Variants in PXMP4 observed in about 807,000 individuals in gnomAD.
PXMP4 encodes peroxisomal membrane protein 4, also known as 24 kDa peroxisomal intrinsic membrane protein.
In PXMP4, 16 loss-of-function variants were observed where a neutral mutation model predicts 21.6. That is an observed-to-expected ratio of 0.74 (90% CI 0.50 to 1.13). PXMP4 has a LOEUF of 1.13. Ranked by LOEUF, PXMP4 falls within the 50% of genes most tolerant of loss-of-function variation. The probability of loss-of-function intolerance (pLI) is 0.00; values close to 1 mark genes in which losing one functional copy is unlikely to be tolerated. For missense variants in PXMP4, 240 were observed against 277.7 expected (o/e 0.86, Z 0.96); for synonymous variants, 127 against 123.8 (o/e 1.03, Z -0.17).
intron 1 of PXMP4, among the ~76,000 whole-genome samples, chr20:33,715,841 CTTTTTTTTTTTT>C (rs11475452): frequency 2.4e-5 from 3 of 123,894 alleles, no homozygotes; most frequent in African/African-American, 9.0e-5. Flanking sequence ...CAGCCAGTCT[CTTTTTTTTTTTT>C]TTTTTTTTGA....
At position 33,717,723 on chromosome 20, in the gene PXMP4, T is replaced by G. The variant is rs559961984; in HGVS notation, c.113+2372A>C. ...TGCCTCTTTTTAAGATTCAAACCTC[T>G]TCCCCCACCCTTCCTTTCCCCTCCT... On this transcript the variant is annotated intron_variant, in intron 1 of 3. Coordinates refer to ENST00000409299, the MANE Select transcript of PXMP4 (RefSeq NM_007238.5). 1.3e-3 allele frequency among the ~76,000 whole-genome samples: 202 copies of G among 151,814 alleles called. 1 individual carries two copies. The highest frequency in any genetic ancestry group is 4.7e-3 in the African/African-American group (195 of 41,288).
intron 1 of PXMP4, among the ~76,000 whole-genome samples, chr20:33,719,526 A>G (rs532118405): frequency 3.1e-4 from 47 of 152,334 alleles, no homozygotes; most frequent in African/African-American, 1.1e-3. Flanking sequence ...CAGCCAGGGC[A>G]ATGACCCCAA....
At chr20:33,708,795 A>G (rs1461808671) in intron 3 of PXMP4, among the ~76,000 whole-genome samples, 1 of 151,796 alleles carries the variant, frequency 6.6e-6, no homozygotes. Flanking sequence ...GGTTCAAGCG[A>G]TTCTCCTGCC....
chr20:33,703,310 T>C lies in PXMP4; in HGVS notation c.*4396A>G, dbSNP rs1450971430. ...GCATTTATTGGGGACTCACTTTAAC[T>C]GTGTCATATTCTTTAACCCTCCACA... On this transcript the variant is annotated 3_prime_UTR_variant, in exon 4 of 4. Coordinates refer to ENST00000409299, the MANE Select transcript of PXMP4 (RefSeq NM_007238.5). 6.6e-6 allele frequency: 1 copy of C among 152,240 alleles called. No homozygotes were observed. Among genetic ancestry groups the C allele is most frequent in the Non-Finnish European group, 1.5e-5 (1 of 68,048 alleles). The allele number at this position is 152,240 out of a possible 1,614,324, so 9.4% of individuals were successfully genotyped here. A position where few individuals can be genotyped will look rare whatever the true frequency, so the allele number is the denominator to read the frequency against.
chr20:33,719,676 T>C (rs921201357), intron 1 of PXMP4, among the ~76,000 whole-genome samples: 1 of 152,110 alleles, frequency 6.6e-6, no homozygotes, highest in African/African-American at 2.4e-5. Flanking sequence ...TGCAAGCCCA[T>C]GGGCAAGCTT....
chr20:33,714,241 TTGG>T (rs1329413807), intron 2 of PXMP4, among the ~76,000 whole-genome samples: 2 of 151,974 alleles, frequency 1.3e-5, no homozygotes, highest in Non-Finnish European at 2.9e-5. Flanking sequence ...GGGATCAGAG[TTGG>T]ACTTTAGGGC....
In PXMP4 at chr20:33,707,949, T is replaced by G; in HGVS notation, c.396A>C (p.Ser132=). The change falls in exon 4 of 4, where the codon TCA becomes TCC. Residue 132 remains serine, a synonymous_variant. Coordinates refer to ENST00000409299, the MANE Select transcript of PXMP4 (RefSeq NM_007238.5). Reference sequence around the variant, plus strand: ...GGCGGCTCAGGGCAAACAGGACGCGTGACAACAGGTACATGTTGATCTGCA... The same window carrying G: ...GGCGGCTCAGGGCAAACAGGACGCGGGACAACAGGTACATGTTGATCTGCA... The part of the protein sequence containing the change: ...INSQINMYLL[S]RVLFALSRLA... 6.2e-7 allele frequency: 1 copy of G among 1,613,964 alleles called. No homozygotes were observed. Among genetic ancestry groups the G allele is most frequent in the Non-Finnish European group, 8.5e-7 (1 of 1,180,010 alleles).
At chr20:33,710,948 A>C (rs537659492) in intron 2 of PXMP4, among the ~76,000 whole-genome samples, 195 bp from the exon 3 acceptor site, 1 of 152,296 alleles carries the variant, frequency 6.6e-6, no homozygotes, top group African/African-American at 2.4e-5. Flanking sequence ...ACCCTCCCTG[A>C]TCACCCTACA....
intron 1 of PXMP4, among the ~76,000 whole-genome samples, chr20:33,717,744 C>T (rs1315909792): frequency 6.6e-6 from 1 of 151,822 alleles, no homozygotes; most frequent in Non-Finnish European, 1.5e-5. Context: ...TTCCTTTCCC[C>T]TCCTCATTTA....
chr20:33,714,683 C>CGGAA lies in PXMP4; in HGVS notation c.163_166dup (p.Arg56LeufsTer67). The stretch of plus-strand genomic sequence containing the variant: ...TTTGAGGGATGTGTACCTGCCATTC[C>CGGAA]GGAAGAGAAAGGTCATGACCAGCGC... On this transcript the variant is annotated frameshift_variant, in exon 2 of 4. Coordinates refer to ENST00000409299, the MANE Select transcript of PXMP4 (RefSeq NM_007238.5). LOFTEE classifies it high-confidence loss of function. The CGGAA allele has an allele frequency of 1.2e-6, 2 of 1,613,938 alleles. No individual in the cohort carries two copies. The highest frequency in any genetic ancestry group is 1.7e-6 in the Non-Finnish European group (2 of 1,179,908).
chr20:33,715,718 T>A (rs531742675), intron 1 of PXMP4, among the ~76,000 whole-genome samples: 157 of 151,958 alleles, frequency 1.0e-3, no homozygotes, highest in African/African-American at 3.6e-3. Context: ...TGAGCCACTG[T>A]GCCCCGCCCC....
chr20:33,718,334 C>A (rs1336524998), intron 1 of PXMP4, among the ~76,000 whole-genome samples: 2 of 151,704 alleles, frequency 1.3e-5, no homozygotes, highest in African/African-American at 4.8e-5. Flanking sequence ...CACGGTGAAA[C>A]CCTGTCTCTA....
intron 2 of PXMP4, among the ~76,000 whole-genome samples, chr20:33,712,809 T>G (rs1455672010): frequency 6.6e-6 from 1 of 152,234 alleles, no homozygotes; most frequent in East Asian, 1.9e-4. Flanking sequence ...TTTTGTATTT[T>G]TAGTAGAGAC....
At chr20:33,709,870 C>T (rs1440025674) in intron 3 of PXMP4, among the ~76,000 whole-genome samples, 2 of 133,698 alleles carry the variant, frequency 1.5e-5, no homozygotes, top group Admixed American at 7.7e-5. Context: ...TACACGGAAC[C>T]AGGCCCCTTC....
intron 2 of PXMP4, among the ~76,000 whole-genome samples, chr20:33,712,422 A>T (rs1601205851): frequency 6.8e-6 from 1 of 147,716 alleles, no homozygotes; most frequent in East Asian, 2.0e-4. Context: ...CTCCCCCCAC[A>T]CCAATCTGTT....
chr20:33,716,053 A>G (rs578185584), intron 1 of PXMP4, among the ~76,000 whole-genome samples: 37 of 151,612 alleles, frequency 2.4e-4, no homozygotes, highest in Non-Finnish European at 4.1e-4. Flanking sequence ...CCTGTTGGTC[A>G]GGCTGGTCTC....
At chr20:33,717,639 C>CAAAAAAAAA (rs10666719) in intron 1 of PXMP4, among the ~76,000 whole-genome samples, 3,022 of 56,062 alleles carry the variant, frequency 0.054, 124 homozygotes, top group African/African-American at 0.09. Context: ...GACTCCGTCT[C>CAAAAAAAAA]AAAAAAAAAA....
chr20:33,718,394 C>A (rs1309079549), intron 1 of PXMP4, among the ~76,000 whole-genome samples: 2 of 151,170 alleles, frequency 1.3e-5, no homozygotes, highest in Non-Finnish European at 2.9e-5. Flanking sequence ...GCCTGTAGTC[C>A]CAGCTACTCA....
At chr20:33,709,492 A>G (rs963798587) in intron 3 of PXMP4, among the ~76,000 whole-genome samples, 1 of 152,078 alleles carries the variant, frequency 6.6e-6, no homozygotes, top group Non-Finnish European at 1.5e-5. Flanking sequence ...CTACAGAGTG[A>G]TTTTTAAAAA....
Sources: gnomAD v4.1 joint callset for allele counts (sites outside exome capture counted in the v4.1 genomes callset) on GRCh38, gnomAD v4.1.1 for gene constraint, MANE v1.5 for transcripts, NCBI Gene and HGNC (gene_info 2026-07-23, HGNC 2026-07-21) for gene names.